Variants in GRB2 observed in about 807,000 individuals in gnomAD.
GRB2 encodes the protein growth factor receptor-bound protein 2.
GRB2 carries 2 observed loss-of-function variants against 27.4 expected under a neutral mutation model. The ratio of observed to expected loss-of-function variants is 0.07; its 90% confidence interval spans 0.03 to 0.23. The LOEUF is 0.23. Among genes scored for constraint, GRB2 ranks in the 10% least tolerant of loss-of-function variants. The probability of loss-of-function intolerance (pLI) is 1.00; values close to 1 mark genes in which losing one functional copy is unlikely to be tolerated. For synonymous variants in GRB2, 94 were observed against 99.6 expected (o/e 0.94, Z 0.33); for missense variants, 102 against 282.4 (o/e 0.36, Z 4.58).
At chr17:75,389,174 G>A (rs550550213) in intron 2 of GRB2, among the ~76,000 whole-genome samples, 2 of 152,150 alleles carry the variant, frequency 1.3e-5, no homozygotes, top group Admixed American at 6.5e-5. Context: ...TTCTCACCTC[G>A]CTCCAACTCT....
intron 3 of GRB2, among the ~76,000 whole-genome samples, chr17:75,330,891 G>T (rs1227680656): frequency 6.6e-6 from 1 of 152,130 alleles, no homozygotes; most frequent in African/African-American, 2.4e-5. Flanking sequence ...TCATGCTGCA[G>T]CACTAATGCC....
chr17:75,394,871 T>C (rs2145873921), intron 1 of GRB2: 1 of 152,298 alleles, frequency 6.6e-6, no homozygotes, highest in African/African-American at 2.4e-5. Context: ...GAACTGGCAG[T>C]AGTACAATGA....
At chr17:75,341,773 G>C (rs567437034) in intron 2 of GRB2, among the ~76,000 whole-genome samples, 1 of 152,274 alleles carries the variant, frequency 6.6e-6, no homozygotes, top group East Asian at 1.9e-4. Context: ...GTGGGGATCA[G>C]TGTGACAGGG....
chr17:75,326,333 G>T, intron 3 of GRB2: 1 of 322,104 alleles, frequency 3.1e-6, no homozygotes, highest in Non-Finnish European at 5.9e-6. Flanking sequence ...ACTGACTCAT[G>T]ACAAAGGCGC....
intron 1 of GRB2, among the ~76,000 whole-genome samples, chr17:75,399,367 CTTTTTT>C (rs71161208): frequency 1.9e-5 from 2 of 107,948 alleles, no homozygotes; most frequent in African/African-American, 3.1e-5. Flanking sequence ...ACAATCTTTT[CTTTTTT>C]TTTTTTTTTT....
intron 1 of GRB2, among the ~76,000 whole-genome samples, chr17:75,398,644 A>T (rs1198648265): frequency 6.6e-6 from 1 of 152,248 alleles, no homozygotes; most frequent in Non-Finnish European, 1.5e-5. Context: ...GTGTTACATT[A>T]TAATAATAAA....
chr17:75,393,490 AAAG>A, intron 2 of GRB2, 58 bp downstream of exon 2: 1 of 1,294,570 alleles, frequency 7.7e-7, no homozygotes, highest in Non-Finnish European at 1.1e-6. Context: ...AATCAGGGCG[AAAG>A]AAGGTGGGTG....
At chr17:75,361,673 T>C (rs191650642) in intron 2 of GRB2, among the ~76,000 whole-genome samples, 1 of 152,268 alleles carries the variant, frequency 6.6e-6, no homozygotes, top group East Asian at 1.9e-4. Context: ...CGGTGATGCA[T>C]GCAGGGCATT....
At chr17:75,355,263 T>C (rs1296085314) in intron 2 of GRB2, among the ~76,000 whole-genome samples, 1 of 152,216 alleles carries the variant, frequency 6.6e-6, no homozygotes, top group Non-Finnish European at 1.5e-5. Context: ...ACTGGATTTT[T>C]CTAATCAACA....
chr17:75,383,296 G>A (rs1239085791), intron 2 of GRB2, among the ~76,000 whole-genome samples: 1 of 152,160 alleles, frequency 6.6e-6, no homozygotes, highest in Non-Finnish European at 1.5e-5. Flanking sequence ...TGCTATAGAT[G>A]TGTAAGAATG....
intron 2 of GRB2, among the ~76,000 whole-genome samples, chr17:75,352,630 A>G (rs980205935): frequency 2.6e-5 from 4 of 152,210 alleles, no homozygotes; most frequent in African/African-American, 9.6e-5. Flanking sequence ...AAAAGCGATC[A>G]GACATATTAT....
At chr17:75,388,583 T>TGGGG (rs59379896) in intron 2 of GRB2, among the ~76,000 whole-genome samples, 197 of 86,292 alleles carry the variant, frequency 2.3e-3, no homozygotes, top group African/African-American at 8.4e-3. Context: ...TTTAAAATAG[T>TGGGG]GGGGGGGGGG....
chr17:75,376,778 G>A (rs1201399748), intron 2 of GRB2, among the ~76,000 whole-genome samples: 2 of 152,064 alleles, frequency 1.3e-5, no homozygotes, highest in Non-Finnish European at 2.9e-5. Context: ...AAGGTGAGAG[G>A]ATCCCTTAAT....
chr17:75,385,212 G>A (rs568908586), intron 2 of GRB2, among the ~76,000 whole-genome samples: 1 of 152,074 alleles, frequency 6.6e-6, no homozygotes, highest in African/African-American at 2.4e-5. Flanking sequence ...CCGCATCCCA[G>A]CCTGGGTGAC....
chr17:75,366,823 A>C (rs1210426317), intron 2 of GRB2, among the ~76,000 whole-genome samples: 1 of 152,124 alleles, frequency 6.6e-6, no homozygotes, highest in African/African-American at 2.4e-5. Context: ...AAAAACAAGA[A>C]AGTAATCCAA....
chr17:75,380,711 T>C (rs1480118386), intron 2 of GRB2, among the ~76,000 whole-genome samples: 3 of 152,176 alleles, frequency 2.0e-5, no homozygotes, highest in Admixed American at 1.3e-4. Context: ...TCATAATCAC[T>C]TATTAATTTA....
chr17:75,376,875 T>G (rs1228198102), intron 2 of GRB2, among the ~76,000 whole-genome samples: 1 of 151,200 alleles, frequency 6.6e-6, no homozygotes, highest in African/African-American at 2.4e-5. Context: ...CAAAAACTAG[T>G]TGGGCATGGT....
intron 2 of GRB2, among the ~76,000 whole-genome samples, chr17:75,351,102 G>A (rs1187174907): frequency 4.6e-5 from 7 of 152,136 alleles, no homozygotes; most frequent in African/African-American, 1.7e-4. Flanking sequence ...GGTGGAGAAG[G>A]GGTTACTGCA....
At chr17:75,389,914 A>G (rs1474888061) in intron 2 of GRB2, among the ~76,000 whole-genome samples, 2 of 152,200 alleles carry the variant, frequency 1.3e-5, no homozygotes, top group African/African-American at 4.8e-5. Context: ...ATTTTTATAT[A>G]CCATCTTGTA....
Sources: gnomAD v4.1 joint callset for allele counts (sites outside exome capture counted in the v4.1 genomes callset) on GRCh38, gnomAD v4.1.1 for gene constraint, MANE v1.5 for transcripts, NCBI Gene and HGNC (gene_info 2026-07-23, HGNC 2026-07-21) for gene names.